The following DEFB131A variants were observed in gnomAD, a reference collection of about 807,000 sequenced individuals.
DEFB131A encodes beta-defensin 131A.
Under a neutral mutation model 2.4 loss-of-function variants are expected in DEFB131A, and 5 were observed. The observed-to-expected ratio is 2.12, with a 90% CI of 1.11 to 4.47. The LOEUF (loss-of-function observed/expected upper bound fraction) is 4.47. DEFB131A is among the 30% of genes most tolerant of loss of function. DEFB131A has a pLI of 0.00. For synonymous variants in DEFB131A, 34 were observed against 25.7 expected, an observed-to-expected ratio of 1.32 and a Z score of -0.97; for missense variants, 120 against 79.9, an observed-to-expected ratio of 1.50 and a Z score of -1.91.
intron 1 of DEFB131A, among the ~76,000 whole-genome samples, chr4:9,447,262 A>C (rs1218245302): frequency 6.6e-6 from 1 of 152,172 alleles, no homozygotes; most frequent in Non-Finnish European, 1.5e-5. Flanking sequence ...ATATCTAAGC[A>C]TTCCACTACT....
chr4:9,448,858 G>A (rs1717574150), intron 1 of DEFB131A, among the ~76,000 whole-genome samples: 1 of 152,050 alleles, frequency 6.6e-6, no homozygotes, highest in Non-Finnish European at 1.5e-5. Flanking sequence ...GCAAGAAAAG[G>A]AAATAAATGG....
chr4:9,448,152 A>T (rs1470230366), intron 1 of DEFB131A, among the ~76,000 whole-genome samples: 2 of 126,770 alleles, frequency 1.6e-5, no homozygotes, highest in African/African-American at 5.9e-5. Flanking sequence ...TTATATTGAA[A>T]CTGCCAAAAA....
chr4:9,444,449 T>A lies in DEFB131A; in HGVS notation c.-85T>A. Reference sequence around the variant, plus strand: ...AAAGGTTCAATAATCACTCAACAACTCACCTCTTCAGAGAACTGAATGTAC... The same window carrying A: ...AAAGGTTCAATAATCACTCAACAACACACCTCTTCAGAGAACTGAATGTAC... On this transcript the variant is annotated 5_prime_UTR_variant, in exon 1 of 2. Transcript: ENST00000334879. 1 of 1,489,920 alleles carries A rather than the reference T, an allele frequency of 6.7e-7. No homozygotes were observed. The highest frequency in any genetic ancestry group is 9.2e-7 in the Non-Finnish European group (1 of 1,086,072). 92.3% of individuals were successfully genotyped at this position (1,489,920 alleles called of 1,614,324 possible). A position where few individuals can be genotyped will look rare whatever the true frequency, so the allele number is the denominator to read the frequency against.
intron 1 of DEFB131A, 126 bp downstream of exon 1, chr4:9,444,717 A>G: frequency 1.1e-6 from 1 of 906,594 alleles, no homozygotes; most frequent in Non-Finnish European, 1.7e-6. Context: ...GGCTGCTCAG[A>G]GGATTGAAGA....
In DEFB131A at chr4:9,444,554, C is replaced by G. The variant is rs776288874; in HGVS notation, c.21C>G (p.Val7=). Residue 7 remains valine, a synonymous_variant, in exon 1 of 2, where the codon GTC becomes GTG. Coordinates refer to ENST00000334879, the MANE Select transcript of DEFB131A (RefSeq NM_001040448.3). MRVLFF[V]FGVLSLMFTV... is the part of the protein sequence containing the mutation. ...CAACCATGAGGGTCTTGTTTTTTGT[C>G]TTTGGAGTCCTTTCCTTGATGTTCA... 6.2e-6 allele frequency: 10 copies of G among 1,611,340 alleles called. No homozygotes were observed. The highest frequency in any genetic ancestry group is 8.5e-6 in the Non-Finnish European group (10 of 1,179,604).
intron 1 of DEFB131A, 94 bp from the exon 2 acceptor site, chr4:9,450,266 T>A (rs920492961): frequency 2.3e-6 from 3 of 1,285,198 alleles, no homozygotes; most frequent in African/African-American, 3.0e-5. Flanking sequence ...GGGAAAGTTC[T>A]GTAATGTTTT....
At chr4:9,446,347 G>A (rs1322502006) in intron 1 of DEFB131A, among the ~76,000 whole-genome samples, 7 of 151,664 alleles carry the variant, frequency 4.6e-5, no homozygotes, top group African/African-American at 1.5e-4. Context: ...ATTGGTGTTG[G>A]TAAAAAAAAA....
At chr4:9,448,245 A>G (rs1717555531) in intron 1 of DEFB131A, among the ~76,000 whole-genome samples, 1 of 152,142 alleles carries the variant, frequency 6.6e-6, no homozygotes. Context: ...TAAGAATTAC[A>G]TCAGACTTCT....
chr4:9,449,937 T>A (rs1336686387), intron 1 of DEFB131A, among the ~76,000 whole-genome samples: 1 of 152,156 alleles, frequency 6.6e-6, no homozygotes, highest in Non-Finnish European at 1.5e-5. Context: ...TTTATATTTA[T>A]CCATAATCTA....
rs374969590 is a variant in DEFB131A, at chr4:9,450,482, A to G, written c.181A>G (p.Ile61Val). Residue 61 changes from isoleucine (I) to valine (V), a missense_variant, in exon 2 of 2, where the codon ATC becomes GTC. By Grantham distance (29) the Ile-to-Val change is conservative. Transcript: ENST00000334879. ...CTTCAGCATCTGCTGCAAACTGAAG[A>G]TCATTGAAATTGACGGACAAAAGAA... ...ADFSICCKLKIIEIDGQKKW is the reference protein window; with the variant it reads ...ADFSICCKLKVIEIDGQKKW 16 of 1,610,664 alleles carry G rather than the reference A, an allele frequency of 9.9e-6. No homozygotes were observed. The highest frequency in any genetic ancestry group is 1.7e-5 in the Admixed American group (1 of 59,840).
At chr4:9,446,038 A>G (rs547026959) in intron 1 of DEFB131A, among the ~76,000 whole-genome samples, 7 of 152,224 alleles carry the variant, frequency 4.6e-5, no homozygotes, top group African/African-American at 1.4e-4. Context: ...ATCCCACTCT[A>G]AGAATCCACT....
chr4:9,444,941 G>A (rs1717455712), intron 1 of DEFB131A, among the ~76,000 whole-genome samples: 1 of 151,558 alleles, frequency 6.6e-6, no homozygotes, highest in Admixed American at 6.6e-5. Context: ...AAATTAATCA[G>A]GTATAGTGGC....
chr4:9,446,028 A>G (rs1387581863), intron 1 of DEFB131A, among the ~76,000 whole-genome samples: 2 of 152,094 alleles, frequency 1.3e-5, no homozygotes, highest in South Asian at 4.2e-4. Flanking sequence ...TCATCAGTAT[A>G]TCCCACTCTA....
At chr4:9,447,872 A>C (rs1406183739) in intron 1 of DEFB131A, among the ~76,000 whole-genome samples, 3 of 152,184 alleles carry the variant, frequency 2.0e-5, no homozygotes, top group African/African-American at 7.2e-5. Context: ...CAGTGAGCTT[A>C]AAGAAGTTTA....
chr4:9,445,401 A>G (rs993315167), intron 1 of DEFB131A, among the ~76,000 whole-genome samples: 12 of 152,256 alleles, frequency 7.9e-5, no homozygotes, highest in Admixed American at 7.2e-4. Context: ...ATTTTTAACC[A>G]CATAACTAGC....
At chr4:9,447,468 G>A (rs1185224078) in intron 1 of DEFB131A, among the ~76,000 whole-genome samples, 1 of 152,094 alleles carries the variant, frequency 6.6e-6, no homozygotes, top group East Asian at 1.9e-4. Flanking sequence ...CAGAATGGGT[G>A]CCTTAAATAA....
intron 1 of DEFB131A, among the ~76,000 whole-genome samples, chr4:9,448,094 G>A (rs189851902): frequency 6.6e-6 from 1 of 151,488 alleles, no homozygotes; most frequent in East Asian, 1.9e-4. Flanking sequence ...CTAGGAAGCT[G>A]AGAGAATAAC....
chr4:9,444,828 C>A (rs1275229765), intron 1 of DEFB131A, among the ~76,000 whole-genome samples: 1 of 151,386 alleles, frequency 6.6e-6, no homozygotes, highest in African/African-American at 2.4e-5. Context: ...ATAATCCCAG[C>A]ACTTGGGGAG....
chr4:9,446,429 A>T (rs1413034196), intron 1 of DEFB131A, among the ~76,000 whole-genome samples: 1 of 152,064 alleles, frequency 6.6e-6, no homozygotes, highest in African/African-American at 2.4e-5. Flanking sequence ...CTTTTATATC[A>T]GTTGTAATGT....
Sources: allele counts gnomAD v4.1 joint callset (sites outside exome capture counted in the v4.1 genomes callset), GRCh38; gene constraint gnomAD v4.1.1; transcripts MANE v1.5; gene names NCBI Gene and HGNC (gene_info 2026-07-23, HGNC 2026-07-21).